The following NAV1 variants were observed in gnomAD, a reference collection of about 807,000 sequenced individuals.
NAV1 encodes the protein neuron navigator 1.
NAV1 carries 18 observed loss-of-function variants against 175.2 expected under a neutral mutation model. The ratio of observed to expected loss-of-function variants is 0.10; its 90% CI spans 0.07 to 0.15. NAV1 has a LOEUF of 0.15. Ranked by LOEUF, NAV1 falls within the 10% of genes least tolerant of loss-of-function variation. The pLI, the probability that NAV1 is intolerant of heterozygous loss-of-function variation, is 1.00. For synonymous variants in NAV1, 897 were observed against 978.7 expected, an observed-to-expected ratio of 0.92 and a Z score of 1.56; for missense variants, 1,731 against 2,436.6, an observed-to-expected ratio of 0.71 and a Z score of 6.10.
chr1:201,756,816 C>CTTTCTT (rs1674504862), intron 3 of NAV1, among the ~76,000 whole-genome samples: 1 of 14,726 alleles, frequency 6.8e-5, no homozygotes, highest in Non-Finnish European at 1.7e-4. Context: ...TTCCTTCTTT[C>CTTTCTT]TTTCTTTCTT....
At chr1:201,748,968 C>T (rs553198839) in intron 3 of NAV1, among the ~76,000 whole-genome samples, 6 of 152,100 alleles carry the variant, frequency 3.9e-5, no homozygotes, top group South Asian at 2.1e-4. Context: ...GCCAACATGA[C>T]GAAACCCAAT....
In NAV1 at chr1:201,777,560, T is replaced by G. The variant is rs182399461; in HGVS notation, c.1227-2861T>G. On this transcript the variant is annotated intron_variant, in intron 3 of 29. Coordinates refer to ENST00000367296, the Ensembl canonical transcript of NAV1. ...GTTTTGCACCCAGCCTTTTTTTTTTTTAACAAAAGGTCTTGCTCTGTCACT... is the reference window on the plus strand; with the variant it reads ...GTTTTGCACCCAGCCTTTTTTTTTTGTAACAAAAGGTCTTGCTCTGTCACT... Among the ~76,000 whole-genome samples, 6 of 152,240 alleles carry G rather than the reference T, an allele frequency of 3.9e-5. 1 individual carries two copies. Among genetic ancestry groups the G allele is most frequent in the African/African-American group, 1.4e-4 (6 of 41,550 alleles).
chr1:201,821,776 T>G (rs939890642), exon 30 of NAV1: 1 of 152,218 alleles, frequency 6.6e-6, no homozygotes. Flanking sequence ...TTGTCAGGAA[T>G]GGGCAAGTCT....
At position 201,547,746 on chromosome 1, in the gene NAV1, G is replaced by A. The variant is rs79730190; in HGVS notation, c.-144+8404G>A. ...AGAGATTATATTTGTAAAAACCTGCGTCTTTTACATTCCACACATTCTGTA... is the reference window on the plus strand; with the variant it reads ...AGAGATTATATTTGTAAAAACCTGCATCTTTTACATTCCACACATTCTGTA... On this transcript the variant is annotated intron_variant, in intron 1 of 33. Transcript: ENST00000685211. 8.2e-3 allele frequency among the ~76,000 whole-genome samples: 1,254 copies of A among 152,228 alleles called. 20 individuals are homozygous for A. Among genetic ancestry groups the A allele is most frequent in the African/African-American group, 0.028 (1,159 of 41,534 alleles).
At chr1:201,558,402 A>G (rs1425274729) in intron 1 of NAV1, among the ~76,000 whole-genome samples, 3 of 152,234 alleles carry the variant, frequency 2.0e-5, no homozygotes, top group Non-Finnish European at 4.4e-5. Context: ...ATGGAACCAA[A>G]GAACGAACAC....
intron 1 of NAV1, among the ~76,000 whole-genome samples, chr1:201,545,557 A>T (rs1403044374): frequency 6.6e-6 from 1 of 152,086 alleles, no homozygotes; most frequent in Non-Finnish European, 1.5e-5. Flanking sequence ...GTGAGCCACT[A>T]TGCCCAGTCT....
intron 2 of NAV1, among the ~76,000 whole-genome samples, chr1:201,642,685 T>C (rs369889168): frequency 1.0e-5 from 1 of 99,848 alleles, no homozygotes; most frequent in Non-Finnish European, 2.2e-5. Flanking sequence ...CCTCTCTTTC[T>C]TCCCTTTCTT....
chr1:201,825,761 A>C (rs1679635432), exon 30 of NAV1: 1 of 152,630 alleles, frequency 6.6e-6, no homozygotes, highest in Non-Finnish European at 1.5e-5. Flanking sequence ...TCCCAGGTTC[A>C]AGCGATTCTC....
intron 2 of NAV1, among the ~76,000 whole-genome samples, chr1:201,604,772 G>T (rs547418973): frequency 8.8e-4 from 132 of 150,752 alleles, no homozygotes; most frequent in African/African-American, 3.1e-3. Context: ...TAAAGGAAAA[G>T]AAAGAAAAGA....
chr1:201,675,487 G>A (rs978151816), intron 1 of NAV1, among the ~76,000 whole-genome samples: 1 of 152,126 alleles, frequency 6.6e-6, no homozygotes, highest in Non-Finnish European at 1.5e-5. Flanking sequence ...TTTAGACAGT[G>A]CACTTAGCCT....
Position 201,664,674 on chromosome 1 carries a change from C to T in NAV1, c.757+15249C>T, listed in dbSNP as rs890879928. Reference sequence around the variant, plus strand: ...GATGGAGGAGACACAGTGCTGCACTCGACAACCCACTGGTTGGTTGGAGGA... The same window carrying T: ...GATGGAGGAGACACAGTGCTGCACTTGACAACCCACTGGTTGGTTGGAGGA... On this transcript the variant is annotated intron_variant, in intron 1 of 29. Coordinates refer to ENST00000367296, the Ensembl canonical transcript of NAV1. Among the ~76,000 whole-genome samples the T allele has an allele frequency of 2.6e-5, 4 of 152,186 alleles. No individual in the cohort carries two copies. In the East Asian group the frequency reaches 5.8e-4, roughly 22 times the overall value.
At chr1:201,655,035 G>A (rs571837091) in intron 1 of NAV1, among the ~76,000 whole-genome samples, 6 of 152,184 alleles carry the variant, frequency 3.9e-5, no homozygotes, top group East Asian at 3.9e-4. Flanking sequence ...TGCTCCATTC[G>A]TCTTTTCTGC....
chr1:201,574,497 C>G (rs1413394762), intron 1 of NAV1, among the ~76,000 whole-genome samples: 1 of 152,166 alleles, frequency 6.6e-6, no homozygotes, highest in Non-Finnish European at 1.5e-5. Flanking sequence ...CAGTCCCACC[C>G]TGGACCTCAG....
At chr1:201,777,634 TTTGTTG>T (rs112249814) in intron 3 of NAV1, among the ~76,000 whole-genome samples, 347 of 150,884 alleles carry the variant, frequency 2.3e-3, no homozygotes, top group Admixed American at 6.9e-3. Flanking sequence ...ATAGTGGGTT[TTTGTTG>T]TTGTTGTTGT....
In NAV1 at chr1:201,654,556, C is replaced by T. The variant is rs1050555112; in HGVS notation, c.757+5131C>T. ...GAGGGTGAAGGTGCAAGCTGCTCCA[C>T]GTGGTGCAAGGGAGAGCCAGTGCTG... On this transcript the variant is annotated intron_variant, in intron 1 of 29. Transcript: ENST00000367296. Among the ~76,000 whole-genome samples, 9 of 152,218 alleles carry T rather than the reference C, an allele frequency of 5.9e-5. No individual in the cohort carries two copies. The East Asian group carries it at 1.5e-3, about 26-fold the overall frequency.
intron 3 of NAV1, among the ~76,000 whole-genome samples, chr1:201,757,491 C>A (rs148198529): frequency 2.6e-5 from 4 of 152,126 alleles, no homozygotes; most frequent in African/African-American, 9.7e-5. Flanking sequence ...TGGCCTCGAG[C>A]GATTCTTCTG....
chr1:201,649,593 C>A (rs1669107976), intron 1 of NAV1, among the ~76,000 whole-genome samples, 168 bp downstream of exon 5: 1 of 152,218 alleles, frequency 6.6e-6, no homozygotes, highest in South Asian at 2.1e-4. Flanking sequence ...AGCTGGCCCA[C>A]CTCCAGATGC....
At chr1:201,698,921 G>C (rs1671296103) in intron 1 of NAV1, among the ~76,000 whole-genome samples, 1 of 152,154 alleles carries the variant, frequency 6.6e-6, no homozygotes, top group Admixed American at 6.5e-5. Context: ...ACTCATTCTG[G>C]GCCTCAGTGG....
In NAV1 at chr1:201,812,510, G is replaced by T; in HGVS notation, c.5070G>T (p.Leu1690=). The T allele has an allele frequency of 6.2e-7, 1 of 1,614,172 alleles. No individual in the cohort carries two copies. The highest frequency in any genetic ancestry group is 8.5e-7 in the Non-Finnish European group (1 of 1,180,024). Residue 1690 remains leucine (L), a synonymous_variant, in exon 27 of 30, where the codon CTG becomes CTT. Transcript: ENST00000367296. This position sits in a 1 kb window ranked among gnomAD's most constrained non-coding sequence, Gnocchi z 4.6. ...ACGTGGAGCCAGCCAATGGCTTCCTGGTTCGTTACCTGAGGAGGAAGCTGG... is the reference window on the plus strand; with the variant it reads ...ACGTGGAGCCAGCCAATGGCTTCCTTGTTCGTTACCTGAGGAGGAAGCTGG...
Sources: allele counts gnomAD v4.1 joint callset (sites outside exome capture counted in the v4.1 genomes callset), GRCh38; gene constraint gnomAD v4.1.1; non-coding constraint Gnocchi (gnomAD v3.1); transcripts MANE v1.5; gene names NCBI Gene and HGNC (gene_info 2026-07-23, HGNC 2026-07-21).